Variants in PRKX observed in about 807,000 individuals in gnomAD.
PRKX encodes the protein protein kinase cAMP-dependent X-linked catalytic subunit.
In PRKX, 12 loss-of-function variants were observed where a neutral mutation model predicts 22.0. The ratio of observed to expected loss-of-function variants is 0.54; its 90% CI spans 0.35 to 0.88. PRKX has a LOEUF of 0.88. PRKX is among the 40% of genes least tolerant of loss of function. The pLI is 0.01. For synonymous variants in PRKX, 134 were observed against 137.7 expected (o/e 0.97, Z 0.19); for missense variants, 217 against 308.0 (o/e 0.70, Z 2.21).
At chrX:3,702,057 G>C (rs764340847) in intron 1 of PRKX, among the ~76,000 whole-genome samples, 2 of 111,836 alleles carry the variant, frequency 1.8e-5, no homozygotes, top group Non-Finnish European at 3.8e-5. Flanking sequence ...CTATGGATTT[G>C]CCTTGAATTT....
At chrX:3,659,717 G>GTTT (rs369338597) in intron 2 of PRKX, among the ~76,000 whole-genome samples, 5 of 28,036 alleles carry the variant, frequency 1.8e-4, no homozygotes, top group African/African-American at 7.3e-4. Flanking sequence ...TGTTTTTTTT[G>GTTT]TTTTTTTTTT....
At position 3,626,711 on chromosome X, in the gene PRKX, A is replaced by G. The variant is rs746960408; in HGVS notation, c.720-197T>C. Reference sequence around the variant, plus strand: ...TCTAAGAGGCAAGGCATCGTGTGCCACAGTCCGATGCAGGGGAAGCTCCCT... The same window carrying G: ...TCTAAGAGGCAAGGCATCGTGTGCCGCAGTCCGATGCAGGGGAAGCTCCCT... On this transcript the variant is annotated intron_variant, in intron 4 of 8. Coordinates refer to ENST00000262848, the MANE Select transcript of PRKX (RefSeq NM_005044.5). Among the ~76,000 whole-genome samples the G allele has an allele frequency of 4.0e-4, 45 of 112,450 alleles. 1 individual carries two copies. Among genetic ancestry groups the G allele is most frequent in the Non-Finnish European group, 7.9e-4 (42 of 53,317 alleles).
chrX:3,688,768 C>T (rs1430233917), intron 1 of PRKX, among the ~76,000 whole-genome samples: 1 of 108,222 alleles, frequency 9.2e-6, no homozygotes, highest in East Asian at 2.9e-4. Flanking sequence ...ACTCATGAGG[C>T]AGAGATGGGA....
intron 4 of PRKX, 85 bp from the exon 5 acceptor site, chrX:3,626,599 C>T (rs1926663929): frequency 1.4e-6 from 1 of 715,956 alleles, no homozygotes. Flanking sequence ...ATTTCTGCTT[C>T]ACACAGGCAG....
intron 2 of PRKX, among the ~76,000 whole-genome samples, chrX:3,663,242 T>C (rs1219124848): frequency 6.4e-5 from 7 of 108,941 alleles, no homozygotes; most frequent in Admixed American, 2.0e-4. Flanking sequence ...AGATAAGCTA[T>C]GGCAGCTTCT....
chrX:3,663,120 A>G (rs1927639009), intron 2 of PRKX, among the ~76,000 whole-genome samples: 1 of 109,691 alleles, frequency 9.1e-6, no homozygotes, highest in Non-Finnish European at 1.9e-5. Context: ...GATTATAGGC[A>G]TGAGCCACTA....
rs1033490557 is a variant in PRKX at position 3,608,853 on chromosome X, G to A, written c.*116C>T. 8.9e-6 allele frequency: 1 copy of A among 112,143 alleles called. No homozygotes were observed. Among genetic ancestry groups the A allele is most frequent in the African/African-American group, 3.2e-5 (1 of 30,877 alleles). The allele number at this position is 112,143 out of a possible 1,213,427, so 9.2% of individuals were successfully genotyped here. A position where few individuals can be genotyped will look rare whatever the true frequency, so the allele number is the denominator to read the frequency against. On this transcript the variant is annotated 3_prime_UTR_variant, in exon 9 of 9. Transcript: ENST00000262848. ...TCTATACACACAGGTACAGAGAAAAGTGGAGATGTCCTTATGCCGTGAAGA... is the reference window on the plus strand; with the variant it reads ...TCTATACACACAGGTACAGAGAAAAATGGAGATGTCCTTATGCCGTGAAGA...
At chrX:3,653,438 G>A (rs1927379794) in intron 3 of PRKX, among the ~76,000 whole-genome samples, 2 of 109,091 alleles carry the variant, frequency 1.8e-5, no homozygotes, top group South Asian at 3.9e-4. Flanking sequence ...GCCCGCACTG[G>A]CTGAGACGAC....
At chrX:3,641,696 A>C (rs1927081637) in intron 4 of PRKX, 156 bp downstream of exon 4, 1 of 172,187 alleles carries the variant, frequency 5.8e-6, no homozygotes. Context: ...CACATTGCCA[A>C]CCTCAGCAGG....
At chrX:3,711,841 G>T (rs1448231488) in intron 1 of PRKX, among the ~76,000 whole-genome samples, 1 of 109,591 alleles carries the variant, frequency 9.1e-6, no homozygotes, top group East Asian at 2.9e-4. Context: ...AGAGAGACTT[G>T]AACAGAGACA....
At chrX:3,612,541 C>G (rs1926319772) in intron 7 of PRKX, among the ~76,000 whole-genome samples, 1 of 111,687 alleles carries the variant, frequency 9.0e-6, no homozygotes, top group South Asian at 3.8e-4. Context: ...AATCCCAACA[C>G]TTTAAGAAGG....
intron 8 of PRKX, among the ~76,000 whole-genome samples, chrX:3,611,557 G>A (rs1351912119): frequency 9.0e-6 from 1 of 110,526 alleles, no homozygotes; most frequent in East Asian, 2.8e-4. Flanking sequence ...ATTTTCAAAG[G>A]CTCAAGGAAA....
At chrX:3,652,259 A>C (rs1320894811) in intron 3 of PRKX, among the ~76,000 whole-genome samples, 1 of 110,989 alleles carries the variant, frequency 9.0e-6, no homozygotes, top group East Asian at 2.8e-4. Context: ...TCTACTAAAA[A>C]TACAAAAAAT....
At chrX:3,692,306 C>T (rs1360731510) in intron 1 of PRKX, among the ~76,000 whole-genome samples, 1 of 110,386 alleles carries the variant, frequency 9.1e-6, no homozygotes, top group Non-Finnish European at 1.9e-5. Context: ...CAGCATCCAC[C>T]CCCAGTAGTG....
At chrX:3,691,345 G>C (rs1279241783) in intron 1 of PRKX, among the ~76,000 whole-genome samples, 2 of 111,553 alleles carry the variant, frequency 1.8e-5, no homozygotes, top group African/African-American at 3.3e-5. Context: ...CTCAAGGAAT[G>C]TAAAACGATG....
intron 7 of PRKX, among the ~76,000 whole-genome samples, chrX:3,615,527 T>A (rs1208734272): frequency 9.0e-6 from 1 of 110,980 alleles, no homozygotes; most frequent in East Asian, 2.8e-4. Flanking sequence ...TCTCCTAAAA[T>A]CTGCTTCAAA....
chrX:3,653,950 A>AATATATATTATATACTATGTGAT (rs1927412990), intron 3 of PRKX, among the ~76,000 whole-genome samples: 1 of 47,402 alleles, frequency 2.1e-5, no homozygotes, highest in Non-Finnish European at 3.9e-5. Context: ...TGATATATAT[A>AATATATATTATATACTATGTGAT]ATATATATTA....
intron 7 of PRKX, among the ~76,000 whole-genome samples, chrX:3,612,740 T>C (rs1253317155): frequency 9.0e-6 from 1 of 110,721 alleles, no homozygotes; most frequent in South Asian, 3.9e-4. Context: ...TGAGCCATGA[T>C]TGCACCACTG....
At chrX:3,611,696 A>G (rs760990884) in intron 8 of PRKX, among the ~76,000 whole-genome samples, 1 of 112,010 alleles carries the variant, frequency 8.9e-6, no homozygotes, top group Non-Finnish European at 1.9e-5. Flanking sequence ...GAAGTAATAG[A>G]CTCAAAATCC....
Sources: allele counts gnomAD v4.1 joint callset (sites outside exome capture counted in the v4.1 genomes callset), GRCh38; gene constraint gnomAD v4.1.1; transcripts MANE v1.5; gene names NCBI Gene and HGNC (gene_info 2026-07-23, HGNC 2026-07-21).